Variants in SGK1 observed in about 807,000 individuals in gnomAD.
The protein encoded by SGK1 is serum/glucocorticoid regulated kinase 1.
SGK1 carries 26 observed loss-of-function variants against 64.2 expected under a neutral mutation model. That is an observed-to-expected ratio of 0.40 (90% CI 0.30 to 0.56). The LOEUF is 0.56. Ranked by LOEUF, SGK1 falls within the 20% of genes least tolerant of loss-of-function variation. The probability of loss-of-function intolerance (pLI) is 0.38; values close to 1 mark genes in which losing one functional copy is unlikely to be tolerated. For synonymous variants in SGK1, 265 were observed against 239.7 expected (o/e 1.11, Z -0.98); for missense variants, 519 against 645.6 (o/e 0.80, Z 2.12).
intron 3 of SGK1, among the ~76,000 whole-genome samples, chr6:134,201,161 C>T (rs548090195): frequency 3.6e-5 from 5 of 139,082 alleles, no homozygotes; most frequent in East Asian, 2.3e-4. Context: ...CCTGGGTTCA[C>T]GCCATTCTCC....
intron 2 of SGK1, among the ~76,000 whole-genome samples, chr6:134,255,489 G>T (rs1378798662): frequency 6.6e-6 from 1 of 151,612 alleles, no homozygotes; most frequent in African/African-American, 2.4e-5. Context: ...TCAAGTTGCA[G>T]TGAGCCAACA....
intron 3 of SGK1, among the ~76,000 whole-genome samples, chr6:134,196,599 A>G (rs868687710): frequency 6.6e-6 from 1 of 152,234 alleles, no homozygotes; most frequent in Non-Finnish European, 1.5e-5. Context: ...CAGATTGTAC[A>G]CTACCGGGCA....
chr6:134,171,095 A>G lies in SGK1; in HGVS notation c.1251T>C (p.Asn417=), dbSNP rs146066740. Residue 417 remains asparagine, a synonymous_variant, in exon 12 of 14, where the codon AAT becomes AAC. Coordinates refer to ENST00000367858, the MANE Select transcript of SGK1 (RefSeq NM_001143676.3). Reference sequence around the variant, plus strand: ...GGCCCTCCAGGAGGTGTCTTGCGGAATTTGTAATATTTGGTTTCAGCTGGA... The same window carrying G: ...GGCCCTCCAGGAGGTGTCTTGCGGAGTTTGTAATATTTGGTTTCAGCTGGA... The part of the protein sequence containing the change: ...KPLQLKPNIT[N]SARHLLEGLL... The G allele has an allele frequency of 6.2e-7, 1 of 1,614,126 alleles. No individual in the cohort carries two copies. Among genetic ancestry groups the G allele is most frequent in the South Asian group, 1.1e-5 (1 of 91,086 alleles).
chr6:134,230,769 T>C (rs1232815120), intron 2 of SGK1, among the ~76,000 whole-genome samples: 1 of 152,170 alleles, frequency 6.6e-6, no homozygotes, highest in Non-Finnish European at 1.5e-5. Flanking sequence ...ATCCCAGCAC[T>C]TTCGGAGGCC....
chr6:134,259,371 G>A (rs1159626006), intron 2 of SGK1, among the ~76,000 whole-genome samples: 3 of 152,028 alleles, frequency 2.0e-5, no homozygotes, highest in Non-Finnish European at 4.4e-5. Flanking sequence ...TGGGCGCAGT[G>A]GCTCAGGCCT....
chr6:134,271,936 G>C (rs1776945508), intron 1 of SGK1, among the ~76,000 whole-genome samples: 1 of 147,004 alleles, frequency 6.8e-6, no homozygotes, highest in African/African-American at 2.4e-5. Flanking sequence ...CCACCTCCCA[G>C]GTTCAAGCAA....
intron 1 of SGK1, among the ~76,000 whole-genome samples, chr6:134,316,039 G>A (rs1777680044): frequency 6.6e-6 from 1 of 152,304 alleles, no homozygotes; most frequent in East Asian, 1.9e-4. Flanking sequence ...GATTTCACAT[G>A]GTACTCCCAC....
intron 3 of SGK1, chr6:134,175,668 CG>C (rs1775211956): frequency 1.3e-6 from 2 of 1,490,720 alleles, no homozygotes; most frequent in East Asian, 5.3e-5. Flanking sequence ...CCATGGGCAG[CG>C]GGCGGCGGGG....
intron 2 of SGK1, among the ~76,000 whole-genome samples, chr6:134,222,618 G>A (rs927837216): frequency 2.6e-5 from 4 of 152,106 alleles, no homozygotes; most frequent in African/African-American, 9.7e-5. Flanking sequence ...TTACAGGCGT[G>A]AGCCACCACA....
intron 3 of SGK1, among the ~76,000 whole-genome samples, chr6:134,206,383 A>ATTTTTTTTTTTT (rs869072819): frequency 1.2e-4 from 2 of 16,622 alleles, no homozygotes; most frequent in Non-Finnish European, 2.3e-4. Flanking sequence ...ATATATATAT[A>ATTTTTTTTTTTT]TTTTTTTTTT....
chr6:134,171,891 G>T, intron 10 of SGK1, 159 bp from the exon 11 acceptor site: 1 of 631,012 alleles, frequency 1.6e-6, no homozygotes, highest in Non-Finnish European at 2.8e-6. Flanking sequence ...TTTTGAGGGT[G>T]ACTGGCTACC....
chr6:134,293,140 A>T (rs1250530428), intron 1 of SGK1, among the ~76,000 whole-genome samples: 1 of 152,234 alleles, frequency 6.6e-6, no homozygotes, highest in Non-Finnish European at 1.5e-5. Flanking sequence ...TAGGATCTAG[A>T]TAATGTAAAA....
intron 1 of SGK1, among the ~76,000 whole-genome samples, chr6:134,315,771 G>C (rs1777674072): frequency 6.6e-6 from 1 of 152,050 alleles, no homozygotes; most frequent in Non-Finnish European, 1.5e-5. Flanking sequence ...TGGGCCTGGT[G>C]GTGGACATCT....
chr6:134,178,217 C>G (rs146295930), intron 3 of SGK1, among the ~76,000 whole-genome samples: 21 of 152,288 alleles, frequency 1.4e-4, no homozygotes, highest in Non-Finnish European at 2.9e-4. Flanking sequence ...TGATGTGCTC[C>G]TTCCTCCCCT....
intron 1 of SGK1, among the ~76,000 whole-genome samples, chr6:134,266,021 T>C (rs2114753771): frequency 6.6e-6 from 1 of 152,060 alleles, no homozygotes; most frequent in South Asian, 2.1e-4. Context: ...TCTCTGATTG[T>C]CACCCAGGCT....
intron 1 of SGK1, chr6:134,298,137 G>T: frequency 5.3e-6 from 7 of 1,313,808 alleles, no homozygotes; most frequent in Non-Finnish European, 7.7e-6. Flanking sequence ...TTCTTGATGA[G>T]GACAGATTCA....
chr6:134,297,854 C>T (rs1170596679), intron 1 of SGK1: 2 of 769,096 alleles, frequency 2.6e-6, no homozygotes, highest in Non-Finnish European at 4.7e-6. Flanking sequence ...CAGCCAGCAT[C>T]TGCAGCTCCT....
At chr6:134,265,266 C>A (rs1010951138) in intron 1 of SGK1, among the ~76,000 whole-genome samples, 1 of 151,870 alleles carries the variant, frequency 6.6e-6, no homozygotes, top group Non-Finnish European at 1.5e-5. Context: ...TCAAGACCAG[C>A]CTGGTCAACA....
chr6:134,208,069 G>A (rs201759458), intron 2 of SGK1, among the ~76,000 whole-genome samples: 12 of 151,954 alleles, frequency 7.9e-5, no homozygotes, highest in African/African-American at 2.4e-4. Context: ...GTGCCACCAC[G>A]CCTGGCTAAT....
Sources: allele counts gnomAD v4.1 joint callset (sites outside exome capture counted in the v4.1 genomes callset), GRCh38; gene constraint gnomAD v4.1.1; transcripts MANE v1.5; gene names NCBI Gene and HGNC (gene_info 2026-07-23, HGNC 2026-07-21).